LRRC34: variants seen among roughly 807,000 people sequenced by gnomAD.
LRRC34 encodes leucine-rich repeat-containing protein 34.
Under a neutral mutation model 48.5 loss-of-function variants are expected in LRRC34, and 44 were observed. That is an observed-to-expected ratio of 0.91 (90% CI 0.71 to 1.17). The LOEUF is 1.17. Among genes scored for constraint, LRRC34 ranks in the 50% most tolerant of loss-of-function variants. The probability of loss-of-function intolerance (pLI) is 0.00; values close to 1 mark genes in which losing one functional copy is unlikely to be tolerated. For synonymous variants in LRRC34, 192 were observed against 197.6 expected, an observed-to-expected ratio of 0.97 and a Z score of 0.24; for missense variants, 502 against 563.0, an observed-to-expected ratio of 0.89 and a Z score of 1.10.
intron 6 of LRRC34, among the ~76,000 whole-genome samples, chr3:169,801,766 A>G (rs1012880761): frequency 1.3e-5 from 2 of 152,040 alleles, no homozygotes; most frequent in African/African-American, 4.8e-5. Flanking sequence ...CTCCCTCGTG[A>G]TTTTTGCCAT....
intron 9 of LRRC34, chr3:169,795,960 G>C: frequency 1.7e-6 from 2 of 1,191,316 alleles, no homozygotes; most frequent in East Asian, 3.8e-5. Flanking sequence ...TTTTCTATTA[G>C]AATTCAGGAT....
Position 169,806,885 on chromosome 3 carries a change from C to A in LRRC34, c.491G>T (p.Gly164Val). 6.2e-7 allele frequency: 1 copy of A among 1,607,030 alleles called. No homozygotes were observed. Among genetic ancestry groups the A allele is most frequent in the Non-Finnish European group, 8.5e-7 (1 of 1,174,810 alleles). ...IYLNLMFNDI[G>V]PEGGELIAKV... ...AGCAATCAATTCTCCACCTTCGGGC[C>A]CAATATCATTAAACATGAGGTTTAA... The change falls in exon 5 of 11, where the codon GGG (glycine) becomes GTG (valine). Residue 164 changes from glycine to valine, a missense_variant. Coordinates refer to ENST00000446859, the MANE Select transcript of LRRC34 (RefSeq NM_001172779.2).
Position 169,796,768 on chromosome 3 carries a change from G to A in LRRC34, c.885C>T (p.Ser295=), listed in dbSNP as rs373819156. Reference sequence around the variant, plus strand: ...ACCAGCTGACATCAAGGTAGCGCAGGCTACTGTTCAGATACAGTGCATCAC... The same window carrying A: ...ACCAGCTGACATCAAGGTAGCGCAGACTACTGTTCAGATACAGTGCATCAC... ...QLCDALYLNS[S]LRYLDVSCNK... The change falls in exon 8 of 11, where the codon AGC becomes AGT. Residue 295 remains serine (S), a synonymous_variant. Coordinates refer to ENST00000446859, the MANE Select transcript of LRRC34 (RefSeq NM_001172779.2). 6.2e-7 allele frequency: 1 copy of A among 1,606,742 alleles called. No homozygotes were observed. Among genetic ancestry groups the A allele is most frequent in the Non-Finnish European group, 8.5e-7 (1 of 1,178,052 alleles).
In LRRC34 at chr3:169,812,715, G is replaced by T; in HGVS notation, c.-167C>A. ...TGGAGGTCCTTTGTCACCCTGCCCT[G>T]GTTAAAGGCAGCCTGAGGGAGGGCG... On this transcript the variant is annotated 5_prime_UTR_variant, in exon 1 of 11. Coordinates refer to ENST00000446859, the MANE Select transcript of LRRC34 (RefSeq NM_001172779.2). The surrounding 1 kb of genome is among the most constrained non-coding windows in gnomAD (Gnocchi z 4.3). The T allele has an allele frequency of 1.9e-6, 2 of 1,052,630 alleles. No homozygotes were observed. Among genetic ancestry groups the T allele is most frequent in the African/African-American group, 1.7e-5 (1 of 59,182 alleles). 65.2% of individuals were successfully genotyped at this position (1,052,630 alleles called of 1,614,324 possible).
rs1778856337 is a variant in LRRC34 at position 169,793,170 on chromosome 3, T to C, written c.*465A>G. Among the ~76,000 whole-genome samples the C allele has an allele frequency of 6.6e-6, 1 of 152,202 alleles. No homozygotes were observed. Among genetic ancestry groups the C allele is most frequent in the African/African-American group, 2.4e-5 (1 of 41,454 alleles). On this transcript the variant is annotated 3_prime_UTR_variant, in exon 11 of 11. Transcript: ENST00000446859. ...GTTTATATATATTTGCCTGTATTTATGAAATTGTTAGTAACACCTGTCTGT... is the reference window on the plus strand; with the variant it reads ...GTTTATATATATTTGCCTGTATTTACGAAATTGTTAGTAACACCTGTCTGT...
chr3:169,808,805 C>T, intron 1 of LRRC34, 60 bp from the exon 2 acceptor site: 1 of 930,268 alleles, frequency 1.1e-6, no homozygotes, highest in Non-Finnish European at 1.7e-6. Flanking sequence ...TAAAAAAAAC[C>T]ATAAAAACTA....
chr3:169,800,839 T>A, intron 6 of LRRC34, 85 bp from the exon 7 acceptor site: 1 of 842,696 alleles, frequency 1.2e-6, no homozygotes, highest in Non-Finnish European at 1.8e-6. Flanking sequence ...GCTATCTGCA[T>A]TCTGATAAAA....
chr3:169,796,406 A>T, intron 8 of LRRC34, 37 bp from the exon 9 acceptor site: 5 of 1,579,304 alleles, frequency 3.2e-6, no homozygotes, highest in Non-Finnish European at 4.3e-6. Context: ...GAAAATATGA[A>T]ATAGTGTTTT....
intron 6 of LRRC34, among the ~76,000 whole-genome samples, chr3:169,802,918 A>C (rs1324717327): frequency 1.3e-5 from 2 of 152,046 alleles, no homozygotes; most frequent in African/African-American, 2.4e-5. Context: ...TGGAGGTTGC[A>C]GTGAGCCGAG....
intron 6 of LRRC34, among the ~76,000 whole-genome samples, chr3:169,801,582 C>G (rs771505423): frequency 4.6e-5 from 7 of 152,116 alleles, no homozygotes; most frequent in Non-Finnish European, 1.0e-4. Flanking sequence ...ATTTATAATA[C>G]AACCCCCACT....
In LRRC34 at chr3:169,793,584, C is replaced by G; in HGVS notation, c.*51G>C. On this transcript the variant is annotated 3_prime_UTR_variant, in exon 11 of 11. Coordinates refer to ENST00000446859, the MANE Select transcript of LRRC34 (RefSeq NM_001172779.2). The stretch of plus-strand genomic sequence containing the variant: ...AGAAAATAGGCTATAGAATATTAAT[C>G]TCTGTGAAACAATAAGACAAGTGTA... 7.6e-7 allele frequency: 1 copy of G among 1,308,048 alleles called. No individual in the cohort carries two copies. The highest frequency in any genetic ancestry group is 1.1e-6 in the Non-Finnish European group (1 of 925,978). 81.0% of individuals were successfully genotyped at this position (1,308,048 alleles called of 1,614,324 possible).
intron 5 of LRRC34, among the ~76,000 whole-genome samples, chr3:169,805,303 A>G (rs1180416747): frequency 6.6e-6 from 1 of 152,262 alleles, no homozygotes; most frequent in Non-Finnish European, 1.5e-5. Context: ...TCAGCAACAT[A>G]GCAGGACACA....
intron 1 of LRRC34, among the ~76,000 whole-genome samples, chr3:169,809,322 G>A (rs1310571957): frequency 1.4e-5 from 2 of 147,948 alleles, no homozygotes; most frequent in African/African-American, 2.5e-5. Flanking sequence ...ATCTGATAAA[G>A]CACCTACTCC....
chr3:169,810,599 T>C (rs1388324319), intron 1 of LRRC34, among the ~76,000 whole-genome samples: 1 of 152,242 alleles, frequency 6.6e-6, no homozygotes, highest in African/African-American at 2.4e-5. Flanking sequence ...TTGTGGAATA[T>C]GCATGTTCTA....
chr3:169,803,846 G>A (rs1779277591), intron 6 of LRRC34: 4 of 357,580 alleles, frequency 1.1e-5, no homozygotes, highest in African/African-American at 2.1e-5. Flanking sequence ...ATAGATGGAA[G>A]TTTAGGAATA....
Position 169,812,560 on chromosome 3 carries a change from G to A in LRRC34, c.-12C>T, listed in dbSNP as rs114163782. ...GGCTGCGCTGCCATGGCGACCGCGCGCGCACTTACAGTCCGCCTGCAGCTG... is the reference window on the plus strand; with the variant it reads ...GGCTGCGCTGCCATGGCGACCGCGCACGCACTTACAGTCCGCCTGCAGCTG... On this transcript the variant is annotated 5_prime_UTR_variant, in exon 1 of 11. Transcript: ENST00000446859. This position sits in a 1 kb window ranked among gnomAD's most constrained non-coding sequence, Gnocchi z 4.3. 3,851 of 1,475,754 alleles carry A rather than the reference G, an allele frequency of 2.6e-3. 98 individuals are homozygous for A. The African/African-American group carries it at 0.051, about 20-fold the overall frequency. 91.4% of individuals were successfully genotyped at this position (1,475,754 alleles called of 1,614,324 possible). A position where few individuals can be genotyped will look rare whatever the true frequency, so the allele number is the denominator to read the frequency against.
intron 5 of LRRC34, 36 bp from the exon 6 acceptor site, chr3:169,804,217 A>AT: frequency 1.3e-6 from 2 of 1,512,746 alleles, no homozygotes; most frequent in Non-Finnish European, 1.8e-6. Context: ...ATAATTGTTA[A>AT]TCCACAGAAT....
chr3:169,793,796 T>C lies in LRRC34; in HGVS notation c.1234A>G (p.Asn412Asp), dbSNP rs779375723. The change falls in exon 11 of 11, where the codon AAT (asparagine) becomes GAT (aspartate). Residue 412 changes from asparagine (N) to aspartate (D), a missense_variant. Coordinates refer to ENST00000446859, the MANE Select transcript of LRRC34 (RefSeq NM_001172779.2). ...LIQMGCLKPD[N>D]TDVEPFVVDG... is the part of the protein sequence containing the mutation. ...ACCACAAATGGCTCCACATCTGTATTGTCTGGTTTTAGACAACCCATTTGA... is the reference window on the plus strand; with the variant it reads ...ACCACAAATGGCTCCACATCTGTATCGTCTGGTTTTAGACAACCCATTTGA... 45 of 1,613,378 alleles carry C rather than the reference T, an allele frequency of 2.8e-5. No homozygotes were observed. Among genetic ancestry groups the C allele is most frequent in the Non-Finnish European group, 3.6e-5 (42 of 1,179,818 alleles).
chr3:169,799,569 A>G (rs1779116148), intron 7 of LRRC34, among the ~76,000 whole-genome samples: 1 of 152,148 alleles, frequency 6.6e-6, no homozygotes, highest in African/African-American at 2.4e-5. Flanking sequence ...AGGTGGGAGG[A>G]TCACTTGAGG....
Sources: gnomAD v4.1 joint callset for allele counts (sites outside exome capture counted in the v4.1 genomes callset) on GRCh38, gnomAD v4.1.1 for gene constraint, Gnocchi (gnomAD v3.1) non-coding constraint, MANE v1.5 for transcripts, NCBI Gene and HGNC (gene_info 2026-07-23, HGNC 2026-07-21) for gene names.